AHDC1: variants seen among roughly 807,000 people sequenced by gnomAD.
AHDC1 encodes the protein transcription factor Gibbin.
A neutral mutation model predicts 87.9 loss-of-function variants in AHDC1; 7 were observed. The observed-to-expected ratio is 0.08, with a 90% CI of 0.05 to 0.15. AHDC1 has a LOEUF of 0.15. Ranked by LOEUF, AHDC1 falls within the 10% of genes least tolerant of loss-of-function variation. AHDC1 has a pLI of 1.00. For missense variants in AHDC1, 1,841 were observed against 2,253.2 expected (o/e 0.82, Z 3.70); for synonymous variants, 1,051 against 1,006.8 (o/e 1.04, Z -0.83).
chr1:27,562,154 C>T lies in AHDC1; in HGVS notation c.-628-3271G>A, dbSNP rs2020115674. 6.6e-6 allele frequency among the ~76,000 whole-genome samples: 1 copy of T among 152,030 alleles called. No homozygotes were observed. Among genetic ancestry groups the T allele is most frequent in the Admixed American group, 6.6e-5 (1 of 15,266 alleles). On this transcript the variant is annotated intron_variant, in intron 3 of 8. Transcript: ENST00000673934. This position sits in a 1 kb window ranked among gnomAD's most constrained non-coding sequence, Gnocchi z 4.4. ...AGGGCCGAGGGGAGGCCTGTGTGGG[C>T]AGTAGACAGGCCAGAGCTGGGATGT...
rs941714118 is a variant in AHDC1 at position 27,550,868 on chromosome 1, C to A, written c.1248G>T (p.Leu416=). The stretch of plus-strand genomic sequence containing the variant: ...CAGCCACCAGCCCCGTGGGCATAGG[C>A]AGGGGCAGTAGGCGGCCCTCGGGTC... ...DAGPEGRLLP[L]PMPTGLVAAL... Residue 416 remains leucine, a synonymous_variant, in exon 8 of 9, where the codon CTG becomes CTT. Transcript: ENST00000673934. The A allele has an allele frequency of 1.3e-6, 2 of 1,581,390 alleles. No individual in the cohort carries two copies. Among genetic ancestry groups the A allele is most frequent in the African/African-American group, 1.3e-5 (1 of 74,516 alleles).
rs749337559 is a variant in AHDC1 at position 27,549,300 on chromosome 1, C to T, written c.2816G>A (p.Arg939Gln). 5.0e-6 allele frequency: 8 copies of T among 1,605,418 alleles called. No individual in the cohort carries two copies. The highest frequency in any genetic ancestry group is 6.0e-6 in the Non-Finnish European group (7 of 1,174,026). The change falls in exon 8 of 9, where the codon CGG becomes CAG. Residue 939 changes from arginine (R) to glutamine (Q), a missense_variant. By Grantham distance (43) the Arg-to-Gln change is conservative. Transcript: ENST00000673934. ...YGLTPAASDC[R>Q]AAETFPKLVP... is the part of the protein sequence containing the mutation. ...CAGCTTGGGGAAGGTCTCGGCTGCC[C>T]GGCAGTCTGAAGCGGCTGGAGTTAG...
rs1233553227 is a variant in AHDC1, at chr1:27,593,883, G to T, written c.-629+9514C>A. Among the ~76,000 whole-genome samples the T allele has an allele frequency of 4.6e-5, 7 of 152,198 alleles. No individual in the cohort carries two copies. Among genetic ancestry groups the T allele is most frequent in the African/African-American group, 1.7e-4 (7 of 41,442 alleles). On this transcript the variant is annotated intron_variant, in intron 3 of 8. Transcript: ENST00000673934. This position sits in a 1 kb window ranked among gnomAD's most constrained non-coding sequence, Gnocchi z 4.9. ...GCTGGGACACAGGCGATGTCTTGGG[G>T]ACCCTTCCCACAGCACTGCAGTTGC...
intron 8 of AHDC1, among the ~76,000 whole-genome samples, chr1:27,535,190 T>TTAAG (rs1447622411): frequency 1.3e-5 from 2 of 152,180 alleles, no homozygotes; most frequent in African/African-American, 2.4e-5. Context: ...GTGGAATTTG[T>TTAAG]TAAGAGCTTG....
chr1:27,534,555 C>T lies in AHDC1; in HGVS notation c.*405G>A, dbSNP rs770651560. The T allele has an allele frequency of 2.6e-5, 4 of 151,856 alleles. No homozygotes were observed. Among genetic ancestry groups the T allele is most frequent in the Admixed American group, 2.0e-4 (3 of 15,238 alleles). 9.4% of individuals were successfully genotyped at this position (151,856 alleles called of 1,614,324 possible). ...TAGGATATTGTTCATTTTTGTCAAA[C>T]GACCTGTAGATAAATTTCTCAGTGC... On this transcript the variant is annotated 3_prime_UTR_variant, in exon 9 of 9. Coordinates refer to ENST00000673934, the MANE Select transcript of AHDC1 (RefSeq NM_001371928.1).
chr1:27,593,479 G>A lies in AHDC1; in HGVS notation c.-629+9918C>T, dbSNP rs1056091342. Among the ~76,000 whole-genome samples, 2 of 152,204 alleles carry A rather than the reference G, an allele frequency of 1.3e-5. No individual in the cohort carries two copies. The highest frequency in any genetic ancestry group is 1.5e-5 in the Non-Finnish European group (1 of 68,026). On this transcript the variant is annotated intron_variant, in intron 3 of 8. Coordinates refer to ENST00000673934, the MANE Select transcript of AHDC1 (RefSeq NM_001371928.1). The surrounding 1 kb of genome is among the most constrained non-coding windows in gnomAD (Gnocchi z 4.9). ...GCAAAGATGGACCCATTCTCAGGGC[G>A]TAGCCGTGTGTCCCTCAGAACCCTA...
rs757095629 is a variant in AHDC1, at chr1:27,593,804, G to A, written c.-629+9593C>T. On this transcript the variant is annotated intron_variant, in intron 3 of 8. Coordinates refer to ENST00000673934, the MANE Select transcript of AHDC1 (RefSeq NM_001371928.1). The surrounding 1 kb of genome is among the most constrained non-coding windows in gnomAD (Gnocchi z 4.9). ...GGGCACAAGAGGCAGGCAGGAGATC[G>A]ATTCACTGAATTTTTTAAGGCCCTA... is the stretch of plus-strand genomic sequence containing the variant. Among the ~76,000 whole-genome samples the A allele has an allele frequency of 6.6e-6, 1 of 152,206 alleles. No individual in the cohort carries two copies. Among genetic ancestry groups the A allele is most frequent in the African/African-American group, 2.4e-5 (1 of 41,454 alleles).
chr1:27,574,460 ATC>A, intron 3 of AHDC1, among the ~76,000 whole-genome samples: 1 of 152,198 alleles, frequency 6.6e-6, no homozygotes, highest in South Asian at 2.1e-4. Flanking sequence ...GCCATGGCCT[ATC>A]TAGTGTTATC....
At position 27,565,454 on chromosome 1, in the gene AHDC1, G is replaced by A. The variant is rs552505867; in HGVS notation, c.-628-6571C>T. 4.7e-4 allele frequency among the ~76,000 whole-genome samples: 72 copies of A among 152,272 alleles called. No individual in the cohort carries two copies. Among genetic ancestry groups the A allele is most frequent in the Non-Finnish European group, 8.5e-4 (58 of 68,012 alleles). ...CTGGGAGGGCGGGCCAGACAGCAGG[G>A]GCTGCCAGTCTTGAAGGGAGGCGAG... On this transcript the variant is annotated intron_variant, in intron 3 of 8. Transcript: ENST00000673934. This position sits in a 1 kb window ranked among gnomAD's most constrained non-coding sequence, Gnocchi z 4.6.
At chr1:27,577,734 C>T (rs981511324) in intron 3 of AHDC1, among the ~76,000 whole-genome samples, 11 of 152,312 alleles carry the variant, frequency 7.2e-5, no homozygotes, top group Non-Finnish European at 1.5e-4. Context: ...GGGTGGAGCT[C>T]CTGCTCTCTC....
chr1:27,578,798 G>GA (rs755217080), intron 3 of AHDC1, among the ~76,000 whole-genome samples: 7 of 151,372 alleles, frequency 4.6e-5, no homozygotes, highest in Non-Finnish European at 1.0e-4. Context: ...CCAGGTTCAA[G>GA]AGATTCTCCT....
At chr1:27,571,947 A>C (rs1404580131) in intron 3 of AHDC1, among the ~76,000 whole-genome samples, 1 of 152,046 alleles carries the variant, frequency 6.6e-6, no homozygotes, top group Admixed American at 6.5e-5. Flanking sequence ...ATAGTGTGAC[A>C]CTCGAACCAC....
intron 5 of AHDC1, among the ~76,000 whole-genome samples, chr1:27,557,417 G>GC (rs1413187186): frequency 4.0e-4 from 52 of 128,886 alleles, no homozygotes; most frequent in East Asian, 3.5e-3. Flanking sequence ...CTTGTTCCAC[G>GC]CCCCCCCGCT....
intron 8 of AHDC1, among the ~76,000 whole-genome samples, chr1:27,537,612 T>C (rs1460877000): frequency 1.3e-5 from 2 of 152,180 alleles, no homozygotes; most frequent in East Asian, 1.9e-4. Context: ...TACGGTACCC[T>C]TGTCATCCCG....
rs146443200 is a variant in AHDC1, at chr1:27,545,625, A to G, written c.*43+1636T>C. ...TCAAGAGTTTGACATTTTAAACCCTAAGCAGTTTCTCCCTGGCCTGCTTCA... is the reference window on the plus strand; with the variant it reads ...TCAAGAGTTTGACATTTTAAACCCTGAGCAGTTTCTCCCTGGCCTGCTTCA... On this transcript the variant is annotated intron_variant, in intron 8 of 8. Coordinates refer to ENST00000673934, the MANE Select transcript of AHDC1 (RefSeq NM_001371928.1). Among the ~76,000 whole-genome samples the G allele has an allele frequency of 3.0e-3, 458 of 152,154 alleles. 14 individuals carry two copies. Among genetic ancestry groups the G allele is most frequent in the Non-Finnish European group, 4.0e-4 (27 of 67,986 alleles).
chr1:27,547,385 C>T lies in AHDC1; in HGVS notation c.4731G>A (p.Leu1577=). 6.4e-7 allele frequency: 1 copy of T among 1,558,748 alleles called. No homozygotes were observed. The highest frequency in any genetic ancestry group is 1.2e-5 in the South Asian group (1 of 83,286). ...GGAAGCCGCTCTTGGGGCCCCCACC[C>T]AGGCCAGGATGCGCCTGGGGCATAA... is the stretch of plus-strand genomic sequence containing the variant. ...PGFMPQAHPG[L]GGGPKSGFLG... is the part of the protein sequence containing the mutation. The change falls in exon 8 of 9, where the codon CTG becomes CTA. Residue 1577 remains leucine (L), a synonymous_variant. Transcript: ENST00000673934. The surrounding 1 kb of genome is among the most constrained non-coding windows in gnomAD (Gnocchi z 4.9).
At chr1:27,573,027 C>T (rs1571299271) in intron 3 of AHDC1, among the ~76,000 whole-genome samples, 2 of 152,232 alleles carry the variant, frequency 1.3e-5, no homozygotes, top group East Asian at 3.8e-4. Flanking sequence ...CCTAGGGAAG[C>T]AGCGGTGCCA....
chr1:27,536,576 G>A (rs1571200235), intron 8 of AHDC1, among the ~76,000 whole-genome samples: 1 of 152,164 alleles, frequency 6.6e-6, no homozygotes, highest in Non-Finnish European at 1.5e-5. Context: ...AGGCTGCAGA[G>A]ACAAGAGGGG....
At position 27,561,675 on chromosome 1, in the gene AHDC1, A is replaced by G. The variant is rs1204726233; in HGVS notation, c.-628-2792T>C. On this transcript the variant is annotated intron_variant, in intron 3 of 8. Coordinates refer to ENST00000673934, the MANE Select transcript of AHDC1 (RefSeq NM_001371928.1). The surrounding 1 kb of genome is among the most constrained non-coding windows in gnomAD (Gnocchi z 4.2). ...TTGCAGACACCAGCCGAGACCACAC[A>G]AGAGAGAGAGAGGAAAAGACAGAGA... is the stretch of plus-strand genomic sequence containing the variant. Among the ~76,000 whole-genome samples the G allele has an allele frequency of 2.6e-5, 4 of 151,200 alleles. No individual in the cohort carries two copies. The highest frequency in any genetic ancestry group is 1.9e-4 in the East Asian group (1 of 5,184).
Sources: allele counts gnomAD v4.1 joint callset (sites outside exome capture counted in the v4.1 genomes callset), GRCh38; gene constraint gnomAD v4.1.1; non-coding constraint Gnocchi (gnomAD v3.1); transcripts MANE v1.5; gene names NCBI Gene and HGNC (gene_info 2026-07-23, HGNC 2026-07-21).